MTG1: variants seen among roughly 807,000 people sequenced by gnomAD.
MTG1 encodes the protein mitochondrial ribosome-associated GTPase 1.
Under a neutral mutation model 39.5 loss-of-function variants are expected in MTG1, and 30 were observed. The observed-to-expected ratio is 0.76, with a 90% CI of 0.57 to 1.03. MTG1 has a LOEUF of 1.03. Ranked by LOEUF, MTG1 falls within the 50% of genes least tolerant of loss-of-function variation. The pLI, the probability that MTG1 is intolerant of heterozygous loss-of-function variation, is 0.00. For synonymous variants in MTG1, 217 were observed against 179.0 expected (o/e 1.21, Z -1.69); for missense variants, 513 against 447.4 (o/e 1.15, Z -1.32).
At chr10:133,411,742 A>G (rs1423522623) in intron 9 of MTG1, among the ~76,000 whole-genome samples, 1 of 150,772 alleles carries the variant, frequency 6.6e-6, no homozygotes, top group East Asian at 1.9e-4. Flanking sequence ...AGAGCCTCTA[A>G]TATATTTTTC....
chr10:133,403,797 G>C (rs936487892), intron 9 of MTG1, among the ~76,000 whole-genome samples: 2 of 152,048 alleles, frequency 1.3e-5, no homozygotes, highest in Non-Finnish European at 2.9e-5. Flanking sequence ...ATACCTAGGA[G>C]TAGAGTGGCT....
chr10:133,419,985 C>T (rs1311071760), intron 10 of MTG1, 41 bp from the exon 11 acceptor site: 1 of 1,575,528 alleles, frequency 6.3e-7, no homozygotes, highest in Non-Finnish European at 8.6e-7. Flanking sequence ...GCCTGTCCTG[C>T]TGTGAAGGCT....
chr10:133,395,496 C>T (rs1179438801), intron 1 of MTG1, among the ~76,000 whole-genome samples: 1 of 152,242 alleles, frequency 6.6e-6, no homozygotes, highest in Admixed American at 6.5e-5. Flanking sequence ...ATGGCCCACC[C>T]TGTGGCAGGG....
intron 9 of MTG1, 65 bp from the exon 10 acceptor site, chr10:133,419,415 C>T (rs552058752): frequency 3.4e-4 from 474 of 1,413,672 alleles, no homozygotes; most frequent in African/African-American, 2.3e-3. Context: ...AGGAAGGGCC[C>T]GGCCTGGCTG....
At position 133,399,203 on chromosome 10, in the gene MTG1, A is replaced by G. The variant is rs911058578; in HGVS notation, c.397A>G (p.Ser133Gly). The G allele has an allele frequency of 6.2e-7, 1 of 1,613,904 alleles. No individual in the cohort carries two copies. The highest frequency in any genetic ancestry group is 8.5e-7 in the Non-Finnish European group (1 of 1,179,974). ...GATGGTCACTGAACTGATTGGGAGA[A>G]GCCACCGCTACCACCGAAAAGAGGT... Reference protein sequence around the residue: ...IPMVTELIGRSHRYHRKENLE... With the variant: ...IPMVTELIGRGHRYHRKENLE... The change falls in exon 5 of 11, where the codon AGC becomes GGC. Residue 133 changes from serine (S) to glycine (G), a missense_variant. Transcript: ENST00000317502.
chr10:133,409,046 G>T (rs1325734622), intron 9 of MTG1, among the ~76,000 whole-genome samples: 1 of 150,204 alleles, frequency 6.7e-6, no homozygotes, highest in Admixed American at 6.6e-5. Flanking sequence ...TTCTGCTCTG[G>T]TCTCCTGATC....
intron 9 of MTG1, among the ~76,000 whole-genome samples, chr10:133,415,003 A>G (rs1850101267): frequency 1.3e-5 from 2 of 152,214 alleles, no homozygotes; most frequent in Non-Finnish European, 2.9e-5. Flanking sequence ...ATCTCCACCA[A>G]AAAAATACGA....
At position 133,399,223 on chromosome 10, in the gene MTG1, A is replaced by G; in HGVS notation, c.417A>G (p.Lys139=). 2 of 1,613,988 alleles carry G rather than the reference A, an allele frequency of 1.2e-6. No individual in the cohort carries two copies. The highest frequency in any genetic ancestry group is 1.7e-6 in the Non-Finnish European group (2 of 1,179,992). ...GGAGAAGCCACCGCTACCACCGAAA[A>G]GAGGTTGGTTGGTGGGGCCCAGAGC... is the stretch of plus-strand genomic sequence containing the variant. ...LIGRSHRYHR[K]ENLEYCIMVI... The change falls in exon 5 of 11, where the codon AAA becomes AAG. Residue 139 remains lysine (K), a synonymous_variant. Transcript: ENST00000317502.
In MTG1 at chr10:133,420,024, A is replaced by G. The variant is rs1178615530; in HGVS notation, c.866-2A>G. On this transcript the variant is annotated splice_acceptor_variant, in intron 10 of 10. Coordinates refer to ENST00000317502, the MANE Select transcript of MTG1 (RefSeq NM_138384.4). LOFTEE classifies it high-confidence loss of function. ...TCCTCACTGAACCCTCCCGTCCCCC[A>G]GGTAACGTGAACATTATTCAGCCTA... 1 of 1,606,640 alleles carries G rather than the reference A, an allele frequency of 6.2e-7. No homozygotes were observed. Among genetic ancestry groups the G allele is most frequent in the Non-Finnish European group, 8.5e-7 (1 of 1,175,546 alleles).
At chr10:133,409,163 G>C (rs142178386) in intron 9 of MTG1, among the ~76,000 whole-genome samples, 1 of 151,692 alleles carries the variant, frequency 6.6e-6, no homozygotes, top group Non-Finnish European at 1.5e-5. Flanking sequence ...TTTTTTTAGC[G>C]TAGGTGTTTG....
intron 9 of MTG1, among the ~76,000 whole-genome samples, chr10:133,407,168 T>G (rs1046915771): frequency 3.9e-5 from 6 of 152,246 alleles, no homozygotes; most frequent in Admixed American, 6.5e-5. Flanking sequence ...TGTATGTGTT[T>G]TATGCCAGTA....
chr10:133,415,558 G>A (rs1490357340), intron 9 of MTG1, among the ~76,000 whole-genome samples: 1 of 152,118 alleles, frequency 6.6e-6, no homozygotes, highest in Non-Finnish European at 1.5e-5. Context: ...AGAGGGGTTG[G>A]TCTCCCTTTT....
rs766800246 is a variant in MTG1 at position 133,420,102 on chromosome 10, G to A, written c.942G>A (p.Leu314=). ...TGCAGACTTTCCGCCGTGGGCTGCTGGGTTCCGTGATGCTGGACCTCGACG... is the reference window on the plus strand; with the variant it reads ...TGCAGACTTTCCGCCGTGGGCTGCTAGGTTCCGTGATGCTGGACCTCGACG... ...DFLQTFRRGL[L]GSVMLDLDVL... The change falls in exon 11 of 11, where the codon CTG becomes CTA. Residue 314 remains leucine (L), a synonymous_variant. Transcript: ENST00000317502. 2.5e-6 allele frequency: 4 copies of A among 1,613,432 alleles called. No homozygotes were observed. Among genetic ancestry groups the A allele is most frequent in the African/African-American group, 2.7e-5 (2 of 74,928 alleles).
At chr10:133,410,475 T>C (rs981584235) in intron 9 of MTG1, among the ~76,000 whole-genome samples, 7 of 152,256 alleles carry the variant, frequency 4.6e-5, no homozygotes, top group Admixed American at 4.6e-4. Flanking sequence ...TCTTCCTTTT[T>C]TACTGTCTTC....
At chr10:133,411,695 A>G (rs1850049140) in intron 9 of MTG1, among the ~76,000 whole-genome samples, 1 of 151,504 alleles carries the variant, frequency 6.6e-6, no homozygotes, top group Non-Finnish European at 1.5e-5. Flanking sequence ...CTTCAGGCTC[A>G]CTGATTTTTT....
At chr10:133,395,849 C>T (rs1454545094) in intron 2 of MTG1, 72 bp downstream of exon 2, 2 of 1,504,706 alleles carry the variant, frequency 1.3e-6, no homozygotes, top group Non-Finnish European at 1.8e-6. Context: ...CCTGGGGAGG[C>T]TTTTAAAAAT....
intron 3 of MTG1, among the ~76,000 whole-genome samples, chr10:133,397,036 ACATCAGTCAGGC>A (rs1849793559): frequency 6.6e-6 from 1 of 152,150 alleles, no homozygotes; most frequent in Admixed American, 6.5e-5. Context: ...GGAGGACCTG[ACATCAGTCAGGC>A]CTGCCCGCAG....
At chr10:133,395,252 C>T (rs1055787520) in intron 1 of MTG1, among the ~76,000 whole-genome samples, 1 of 152,048 alleles carries the variant, frequency 6.6e-6, no homozygotes, top group Admixed American at 6.6e-5. Flanking sequence ...AAAATTAGCC[C>T]GGCATGGTGG....
At chr10:133,405,788 C>T (rs1217109379) in intron 9 of MTG1, among the ~76,000 whole-genome samples, 2 of 152,184 alleles carry the variant, frequency 1.3e-5, no homozygotes, top group African/African-American at 4.8e-5. Context: ...GTAGTGCTGC[C>T]GTGAGCATGG....
Sources: allele counts gnomAD v4.1 joint callset (sites outside exome capture counted in the v4.1 genomes callset), GRCh38; gene constraint gnomAD v4.1.1; transcripts MANE v1.5; gene names NCBI Gene and HGNC (gene_info 2026-07-23, HGNC 2026-07-21).